The following STX3 variants were observed in gnomAD, a reference collection of about 807,000 sequenced individuals.
STX3 encodes the protein syntaxin-3.
Under a neutral mutation model 40.2 loss-of-function variants are expected in STX3, and 19 were observed. The observed-to-expected ratio is 0.47, with a 90% CI of 0.33 to 0.69. STX3 has a LOEUF of 0.69. Among genes scored for constraint, STX3 ranks in the 30% least tolerant of loss-of-function variants. The pLI is 0.02. For missense variants in STX3, 364 were observed against 366.7 expected, an observed-to-expected ratio of 0.99 and a Z score of 0.06; for synonymous variants, 122 against 132.2, an observed-to-expected ratio of 0.92 and a Z score of 0.53.
rs1042602964 is a variant in STX3 at position 59,803,856 on chromosome 11, G to A, written c.*3032G>A. 1 of 152,774 alleles carries A rather than the reference G, an allele frequency of 6.5e-6. No homozygotes were observed. The highest frequency in any genetic ancestry group is 1.5e-5 in the Non-Finnish European group (1 of 68,008). The allele number at this position is 152,774 out of a possible 1,614,324, so 9.5% of individuals were successfully genotyped here. On this transcript the variant is annotated 3_prime_UTR_variant, in exon 11 of 11. Coordinates refer to ENST00000337979, the MANE Select transcript of STX3 (RefSeq NM_004177.5). Reference sequence around the variant, plus strand: ...CTCCCACAGCCCTCACAGATTGATCGACTGGCATTTCTAATCCTCCTTCCA... The same window carrying A: ...CTCCCACAGCCCTCACAGATTGATCAACTGGCATTTCTAATCCTCCTTCCA...
chr11:59,798,839 A>ACTAT (rs1297303645), intron 10 of STX3, among the ~76,000 whole-genome samples: 23 of 152,052 alleles, frequency 1.5e-4, no homozygotes, highest in Non-Finnish European at 2.8e-4. Flanking sequence ...AGTAGTGAGC[A>ACTAT]TATCAATCTG....
Position 59,793,122 on chromosome 11 carries a change from G to T in STX3, c.490G>T (p.Glu164Ter). The change falls in exon 7 of 11, where the codon GAG becomes TAG. Residue 164 changes from glutamate (E) to a stop codon, truncating the protein, a stop_gained. Coordinates refer to ENST00000337979, the MANE Select transcript of STX3 (RefSeq NM_004177.5). LOFTEE classifies it high-confidence loss of function. ...EITGKKTTDEELEEMLESGNP... is the reference protein window; with the variant it reads ...EITGKKTTDE The stretch of plus-strand genomic sequence containing the variant: ...AGCTGGCAAAAAGACAACCGATGAG[G>T]AGCTGGAGGAGATGTTGGAGAGTGG... 6.2e-7 allele frequency: 1 copy of T among 1,613,644 alleles called. No individual in the cohort carries two copies. Among genetic ancestry groups the T allele is most frequent in the South Asian group, 1.1e-5 (1 of 90,906 alleles).
chr11:59,778,455 G>T (rs911852585), intron 2 of STX3, among the ~76,000 whole-genome samples: 5 of 152,136 alleles, frequency 3.3e-5, no homozygotes, highest in African/African-American at 1.2e-4. Flanking sequence ...GGACAGGATT[G>T]CCAGGATTGC....
intron 1 of STX3, 53 bp from the exon 2 acceptor site, chr11:59,773,158 T>G (rs1863755339): frequency 1.5e-5 from 23 of 1,550,012 alleles, no homozygotes; most frequent in Non-Finnish European, 2.0e-5. Context: ...ATTCAATAAT[T>G]TAGCCATTTA....
chr11:59,792,241 C>T (rs747369359), intron 6 of STX3, 26 bp downstream of exon 6: 3 of 1,592,070 alleles, frequency 1.9e-6, no homozygotes, highest in Non-Finnish European at 2.6e-6. Context: ...TTGGCGTGTG[C>T]CCTCCACCTT....
At chr11:59,764,105 T>C (rs1863170502) in intron 1 of STX3, among the ~76,000 whole-genome samples, 1 of 152,068 alleles carries the variant, frequency 6.6e-6, no homozygotes, top group Non-Finnish European at 1.5e-5. Context: ...GAGAGGGAGC[T>C]CTGTTTCTTT....
chr11:59,789,660 C>T (rs573258756), intron 4 of STX3, among the ~76,000 whole-genome samples: 4 of 152,170 alleles, frequency 2.6e-5, no homozygotes, highest in East Asian at 1.9e-4. Context: ...AGGCTGGTCT[C>T]GAACTTTTCT....
chr11:59,758,868 C>T (rs2134852290), intron 1 of STX3, among the ~76,000 whole-genome samples: 1 of 152,320 alleles, frequency 6.6e-6, no homozygotes, highest in Admixed American at 6.5e-5. Context: ...AGTCCTTGTA[C>T]TAGATGCTGG....
chr11:59,779,308 G>A (rs984431935), intron 2 of STX3, among the ~76,000 whole-genome samples: 3 of 152,142 alleles, frequency 2.0e-5, no homozygotes, highest in African/African-American at 7.2e-5. Flanking sequence ...TCTGGGTTGT[G>A]GACTGCCACC....
chr11:59,786,650 T>C (rs576662793), intron 2 of STX3, among the ~76,000 whole-genome samples: 1 of 152,156 alleles, frequency 6.6e-6, no homozygotes, highest in South Asian at 2.1e-4. Flanking sequence ...CTTTTTCCCC[T>C]CTCCTTCATC....
At position 59,771,926 on chromosome 11, in the gene STX3, A is replaced by G. The variant is rs1002701984; in HGVS notation, c.31-1285A>G. The stretch of plus-strand genomic sequence containing the variant: ...AAATTCGACTCCCTTGAATGTGGCT[A>G]TTAACCTGGGGATGCTGATTGTTGC... On this transcript the variant is annotated intron_variant, in intron 1 of 10. Coordinates refer to ENST00000337979, the MANE Select transcript of STX3 (RefSeq NM_004177.5). Among the ~76,000 whole-genome samples, 4 of 152,172 alleles carry G rather than the reference A, an allele frequency of 2.6e-5. 1 individual carries two copies. Among genetic ancestry groups the G allele is most frequent in the Non-Finnish European group, 5.9e-5 (4 of 68,020 alleles).
chr11:59,801,472 G>T lies in STX3; in HGVS notation c.*648G>T. 1 of 986,184 alleles carries T rather than the reference G, an allele frequency of 1.0e-6. No homozygotes were observed. The highest frequency in any genetic ancestry group is 1.2e-6 in the Non-Finnish European group (1 of 830,468). The allele number at this position is 986,184 out of a possible 1,614,324, so 61.1% of individuals were successfully genotyped here. Reference sequence around the variant, plus strand: ...AACTTTGATTTTTCTCTGTGTTGTAGTCTCTCATATTTACTCAAGGAGGGA... The same window carrying T: ...AACTTTGATTTTTCTCTGTGTTGTATTCTCTCATATTTACTCAAGGAGGGA... On this transcript the variant is annotated 3_prime_UTR_variant, in exon 11 of 11. Coordinates refer to ENST00000337979, the MANE Select transcript of STX3 (RefSeq NM_004177.5).
chr11:59,798,805 C>T (rs1390555545), intron 10 of STX3, among the ~76,000 whole-genome samples: 3 of 152,206 alleles, frequency 2.0e-5, no homozygotes, highest in Non-Finnish European at 4.4e-5. Context: ...TGAGCCACTG[C>T]ACCCGGCCTG....
intron 2 of STX3, among the ~76,000 whole-genome samples, chr11:59,776,848 A>G (rs1000689350): frequency 6.6e-6 from 1 of 152,184 alleles, no homozygotes; most frequent in Non-Finnish European, 1.5e-5. Flanking sequence ...CTGGTAAATG[A>G]TAAACGCCAC....
chr11:59,758,180 A>G (rs1411853512), intron 1 of STX3, among the ~76,000 whole-genome samples: 1 of 152,160 alleles, frequency 6.6e-6, no homozygotes, highest in African/African-American at 2.4e-5. Flanking sequence ...AATCTGTAAG[A>G]AAGCGTTTTT....
chr11:59,797,466 A>C (rs1344203409), intron 10 of STX3, 70 bp downstream of exon 10: 6 of 1,165,326 alleles, frequency 5.1e-6, no homozygotes, highest in Non-Finnish European at 7.6e-6. Flanking sequence ...TGGGATTTCA[A>C]ATTCCTCTTC....
rs78757606 is a variant in STX3, at chr11:59,770,415, A to G, written c.31-2796A>G. ...CTGTGAGGAGTGTGTGTGTGTGGGT[A>G]TATGTATGTATACAGATATACTTGA... On this transcript the variant is annotated intron_variant, in intron 1 of 10. Coordinates refer to ENST00000337979, the MANE Select transcript of STX3 (RefSeq NM_004177.5). Among the ~76,000 whole-genome samples the G allele has an allele frequency of 1.7e-3, 259 of 151,700 alleles. 3 individuals are homozygous for G. In the East Asian group the frequency reaches 0.021, roughly 12 times the overall value.
At chr11:59,795,631 C>T (rs1008629281) in intron 9 of STX3, 149 bp downstream of exon 9, 1 of 1,539,190 alleles carries the variant, frequency 6.5e-7, no homozygotes, top group Non-Finnish European at 8.7e-7. Context: ...TTGAGAACAA[C>T]ATGGACCAGT....
chr11:59,805,189 A>AAAAAAAAAAAAAAAAAAC lies in STX3; in HGVS notation c.*4368_*4369insAAAAAAAAAAAAAACAAA, dbSNP rs750358696. On this transcript the variant is annotated 3_prime_UTR_variant, in exon 11 of 11. Coordinates refer to ENST00000337979, the MANE Select transcript of STX3 (RefSeq NM_004177.5). ...CTAAATTCCATCTAAAAAAAAAAAA[A>AAAAAAAAAAAAAAAAAAC]AAACAAAAAAAAAAAACTGTTCTTA... 6.7e-6 allele frequency: 1 copy of AAAAAAAAAAAAAAAAAAC among 149,510 alleles called. No individual in the cohort carries two copies. The highest frequency in any genetic ancestry group is 2.5e-5 in the African/African-American group (1 of 40,158). The allele number at this position is 149,510 out of a possible 1,614,324, so 9.3% of individuals were successfully genotyped here.
Sources: gnomAD v4.1 joint callset for allele counts (sites outside exome capture counted in the v4.1 genomes callset) on GRCh38, gnomAD v4.1.1 for gene constraint, MANE v1.5 for transcripts, NCBI Gene and HGNC (gene_info 2026-07-23, HGNC 2026-07-21) for gene names.